OTUD7A: variants seen among roughly 807,000 people sequenced by gnomAD.
The protein encoded by OTUD7A is OTU domain-containing protein 7A.
In OTUD7A, 12 loss-of-function variants were observed where a neutral mutation model predicts 65.7. The observed-to-expected ratio is 0.18, with a 90% CI of 0.12 to 0.30. The LOEUF is 0.30. Among genes scored for constraint, OTUD7A ranks in the 10% least tolerant of loss-of-function variants. OTUD7A has a pLI of 1.00. For synonymous variants in OTUD7A, 641 were observed against 586.3 expected (o/e 1.09, Z -1.35); for missense variants, 1,148 against 1,304.8 (o/e 0.88, Z 1.85).
chr15:31,757,016 C>T (rs1894835986), intron 1 of OTUD7A, among the ~76,000 whole-genome samples: 1 of 152,156 alleles, frequency 6.6e-6, no homozygotes, highest in Non-Finnish European at 1.5e-5. Flanking sequence ...CACTGGAATG[C>T]CACTGGACTG....
chr15:31,783,567 A>T (rs1895596828), intron 1 of OTUD7A, among the ~76,000 whole-genome samples: 1 of 152,234 alleles, frequency 6.6e-6, no homozygotes, highest in Admixed American at 6.5e-5. Flanking sequence ...GTTTAAGAAT[A>T]TCTTTGATGA....
chr15:31,623,906 C>G (rs528585417), intron 3 of OTUD7A, among the ~76,000 whole-genome samples: 2 of 152,340 alleles, frequency 1.3e-5, no homozygotes, highest in Admixed American at 6.5e-5. Context: ...CAACTTGGAA[C>G]TGCCCCACCG....
At chr15:31,693,088 A>G (rs1333970646) in intron 1 of OTUD7A, among the ~76,000 whole-genome samples, 1 of 152,140 alleles carries the variant, frequency 6.6e-6, no homozygotes, top group Admixed American at 6.5e-5. Context: ...AGAGATGCTC[A>G]GGCCAGGTGT....
intron 1 of OTUD7A, among the ~76,000 whole-genome samples, chr15:31,848,744 G>A (rs1897348672): frequency 1.3e-5 from 2 of 152,210 alleles, no homozygotes; most frequent in South Asian, 2.1e-4. Context: ...AGGCTGGTGA[G>A]TTCTTTGCCT....
chr15:31,500,824 T>A (rs1205966351), intron 10 of OTUD7A, among the ~76,000 whole-genome samples: 2 of 152,232 alleles, frequency 1.3e-5, no homozygotes, highest in African/African-American at 4.8e-5. Flanking sequence ...TCTGAAATAG[T>A]TGGTCTTGCC....
chr15:31,589,688 T>C (rs1356463980), intron 3 of OTUD7A, among the ~76,000 whole-genome samples: 1 of 152,128 alleles, frequency 6.6e-6, no homozygotes, highest in Non-Finnish European at 1.5e-5. Context: ...CTGGCGGATG[T>C]GATTGTTTGG....
rs2041212854 is a variant in OTUD7A at position 31,484,835 on chromosome 15, TCACTGTCCCAGTCCC to T, written c.1372-126_1372-112del. On this transcript the variant is annotated intron_variant, in intron 12 of 12. Coordinates refer to ENST00000307050, the MANE Select transcript of OTUD7A (RefSeq NM_001382637.1). The surrounding 1 kb of genome is among the most constrained non-coding windows in gnomAD (Gnocchi z 4.5). The stretch of plus-strand genomic sequence containing the variant: ...TTGCCGAGGCTAGGGCCCTGGACCT[TCACTGTCCCAGTCCC>T]CACTGTCGCTCTGGTGACTGTGACA... 6.8e-7 allele frequency: 1 copy of T among 1,475,156 alleles called. No homozygotes were observed. Among genetic ancestry groups the T allele is most frequent in the African/African-American group, 1.4e-5 (1 of 71,500 alleles). The allele number at this position is 1,475,156 out of a possible 1,614,324, so 91.4% of individuals were successfully genotyped here. A position where few individuals can be genotyped will look rare whatever the true frequency, so the allele number is the denominator to read the frequency against.
chr15:31,584,340 A>C (rs917457639), intron 3 of OTUD7A, among the ~76,000 whole-genome samples: 1 of 152,224 alleles, frequency 6.6e-6, no homozygotes, highest in Non-Finnish European at 1.5e-5. Flanking sequence ...TGATCACAAG[A>C]CTGGGGCTTT....
intron 1 of OTUD7A, among the ~76,000 whole-genome samples, chr15:31,720,837 G>C (rs1444117004): frequency 6.6e-6 from 1 of 151,128 alleles, no homozygotes; most frequent in East Asian, 1.9e-4. Context: ...GACTCACCCA[G>C]AGCAGCTCCC....
intron 1 of OTUD7A, among the ~76,000 whole-genome samples, chr15:31,784,882 A>G (rs1401823020): frequency 6.6e-6 from 1 of 152,182 alleles, no homozygotes; most frequent in Non-Finnish European, 1.5e-5. Context: ...TGTTTTATTG[A>G]GAAAGAGTAG....
chr15:31,787,875 A>G (rs569251602), intron 1 of OTUD7A: 1 of 152,242 alleles, frequency 6.6e-6, no homozygotes, highest in African/African-American at 2.4e-5. Context: ...GACCCTAGGA[A>G]TATATCTAAC....
intron 1 of OTUD7A, among the ~76,000 whole-genome samples, chr15:31,720,663 A>C (rs867248570): frequency 7.9e-5 from 12 of 152,098 alleles, no homozygotes; most frequent in African/African-American, 2.9e-4. Context: ...GCCTCCCAAA[A>C]TGCTGGGATT....
chr15:31,539,235 C>G (rs1887907944), intron 5 of OTUD7A, among the ~76,000 whole-genome samples: 1 of 152,156 alleles, frequency 6.6e-6, no homozygotes, highest in African/African-American at 2.4e-5. Context: ...AGCTTTCTCT[C>G]TCCCCAACCT....
intron 1 of OTUD7A, among the ~76,000 whole-genome samples, chr15:31,861,108 C>A (rs77448238): frequency 3.3e-5 from 5 of 152,044 alleles, no homozygotes. Flanking sequence ...GATCACTCAG[C>A]ACTTTGGGAG....
At chr15:31,588,145 A>C (rs1180849842) in intron 3 of OTUD7A, among the ~76,000 whole-genome samples, 5 of 152,198 alleles carry the variant, frequency 3.3e-5, no homozygotes, top group Admixed American at 2.0e-4. Flanking sequence ...CAAAAGTAGA[A>C]TGAACAAATA....
In OTUD7A at chr15:31,487,752, G is replaced by A. The variant is rs892256476; in HGVS notation, c.1172-186C>T. On this transcript the variant is annotated intron_variant, in intron 10 of 12. Coordinates refer to ENST00000307050, the MANE Select transcript of OTUD7A (RefSeq NM_001382637.1). The surrounding 1 kb of genome is among the most constrained non-coding windows in gnomAD (Gnocchi z 6.0). ...GTTTTTAAAATTTCGTATTTATTGC[G>A]GACAGTGGAGAGCAGTTGGAAGCGT... 2.6e-5 allele frequency among the ~76,000 whole-genome samples: 4 copies of A among 152,212 alleles called. No individual in the cohort carries two copies. Among genetic ancestry groups the A allele is most frequent in the African/African-American group, 4.8e-5 (2 of 41,458 alleles).
chr15:31,865,551 T>C (rs542680975), intron 1 of OTUD7A, among the ~76,000 whole-genome samples: 1 of 152,340 alleles, frequency 6.6e-6, no homozygotes, highest in Admixed American at 6.5e-5. Flanking sequence ...AGAAAGTTCC[T>C]AAAATGTGAG....
chr15:31,830,147 C>G (rs1349164697), intron 1 of OTUD7A, among the ~76,000 whole-genome samples: 1 of 152,176 alleles, frequency 6.6e-6, no homozygotes, highest in Non-Finnish European at 1.5e-5. Context: ...CAAACTTGCC[C>G]AGGTTTATGC....
chr15:31,685,117 G>A (rs1239718598), intron 1 of OTUD7A, among the ~76,000 whole-genome samples: 3 of 152,218 alleles, frequency 2.0e-5, no homozygotes, highest in Non-Finnish European at 4.4e-5. Context: ...AAGTCTGATT[G>A]ATCCCATTCT....
Sources: allele counts gnomAD v4.1 joint callset (sites outside exome capture counted in the v4.1 genomes callset), GRCh38; gene constraint gnomAD v4.1.1; non-coding constraint Gnocchi (gnomAD v3.1); transcripts MANE v1.5; gene names NCBI Gene and HGNC (gene_info 2026-07-23, HGNC 2026-07-21).